Variants in WAPL observed in about 807,000 individuals in gnomAD.
The protein encoded by WAPL is WAPL cohesin release factor.
In WAPL, 5 loss-of-function variants were observed where a neutral mutation model predicts 121.0. That is an observed-to-expected ratio of 0.04 (90% CI 0.02 to 0.09). The LOEUF (loss-of-function observed/expected upper bound fraction) is 0.09. WAPL is among the 10% of genes least tolerant of loss of function. WAPL has a pLI of 1.00. For missense variants in WAPL, 999 were observed against 1,410.8 expected (o/e 0.71, Z 4.68); for synonymous variants, 480 against 481.5 (o/e 1.00, Z 0.04).
At chr10:86,455,803 TAAC>T (rs1338113936) in intron 12 of WAPL, among the ~76,000 whole-genome samples, 1 of 151,612 alleles carries the variant, frequency 6.6e-6, no homozygotes, top group East Asian at 1.9e-4. Context: ...GTAAAATACT[TAAC>T]AGCAGGTGGG....
At chr10:86,511,978 A>ATTT (rs1386591742) in intron 2 of WAPL, among the ~76,000 whole-genome samples, 7 of 152,232 alleles carry the variant, frequency 4.6e-5, no homozygotes, top group Non-Finnish European at 1.0e-4. Flanking sequence ...TCTCTTAAAA[A>ATTT]GAAGCTGATT....
At position 86,453,316 on chromosome 10, in the gene WAPL, T is replaced by G; in HGVS notation, c.2853A>C (p.Thr951=). ...TGCCTATGAGACCGTCCTGCTCTCCTGTTTTGGTGCTGCCCCACTCTGAAA... is the reference window on the plus strand; with the variant it reads ...TGCCTATGAGACCGTCCTGCTCTCCGGTTTTGGTGCTGCCCCACTCTGAAA... The part of the protein sequence containing the change: ...TNDNEWGSTK[T]GEQDGLIGTA... Residue 951 remains threonine, a synonymous_variant, in exon 14 of 19, where the codon ACA becomes ACC. Transcript: ENST00000298767. 6.2e-7 allele frequency: 1 copy of G among 1,614,134 alleles called. No homozygotes were observed. Among genetic ancestry groups the G allele is most frequent in the South Asian group, 1.1e-5 (1 of 91,088 alleles).
intron 4 of WAPL, among the ~76,000 whole-genome samples, chr10:86,488,769 G>C (rs1185469491): frequency 6.6e-6 from 1 of 152,190 alleles, no homozygotes; most frequent in Non-Finnish European, 1.5e-5. Context: ...AACCTACATG[G>C]AGGGGAAGAA....
chr10:86,440,537 G>A (rs1478416123), intron 17 of WAPL, among the ~76,000 whole-genome samples: 1 of 151,974 alleles, frequency 6.6e-6, no homozygotes, highest in Non-Finnish European at 1.5e-5. Flanking sequence ...CTGACCTTGT[G>A]ATCTGCCCAC....
At chr10:86,490,681 T>A (rs1842027658) in intron 4 of WAPL, among the ~76,000 whole-genome samples, 1 of 152,164 alleles carries the variant, frequency 6.6e-6, no homozygotes, top group Non-Finnish European at 1.5e-5. Flanking sequence ...TAAAATTCAC[T>A]CATATTTATT....
At chr10:86,495,179 G>A (rs759707273) in intron 4 of WAPL, among the ~76,000 whole-genome samples, 8 of 152,066 alleles carry the variant, frequency 5.3e-5, no homozygotes, top group East Asian at 1.9e-4. Flanking sequence ...CAAAAAAGGC[G>A]AAGTCAAATT....
At chr10:86,447,653 T>A (rs1012071818) in intron 15 of WAPL, among the ~76,000 whole-genome samples, 10 of 151,818 alleles carry the variant, frequency 6.6e-5, no homozygotes, top group Admixed American at 5.9e-4. Flanking sequence ...ATGTGTTTGG[T>A]GATGAGGGTG....
Position 86,488,981 on chromosome 10 carries a change from T to C in WAPL, c.1644+8220A>G, listed in dbSNP as rs1053629510. 2.0e-5 allele frequency among the ~76,000 whole-genome samples: 3 copies of C among 152,346 alleles called. 1 individual carries two copies. The South Asian group carries it at 6.2e-4, about 32-fold the overall frequency. The stretch of plus-strand genomic sequence containing the variant: ...CCAAGTGATCAGTTAACATCAGTAG[T>C]AATGGTACAAGCTGACATTAAGTAC... On this transcript the variant is annotated intron_variant, in intron 4 of 18. Coordinates refer to ENST00000298767, the MANE Select transcript of WAPL (RefSeq NM_015045.5).
At chr10:86,466,287 T>C (rs1253673614) in intron 9 of WAPL, among the ~76,000 whole-genome samples, 1 of 152,154 alleles carries the variant, frequency 6.6e-6, no homozygotes, top group East Asian at 1.9e-4. Context: ...GAAAAGGCAG[T>C]TATGGCGGGG....
At chr10:86,442,570 C>T (rs1849496560) in intron 17 of WAPL, among the ~76,000 whole-genome samples, 1 of 152,072 alleles carries the variant, frequency 6.6e-6, no homozygotes, top group Non-Finnish European at 1.5e-5. Flanking sequence ...CCATAAAGAT[C>T]AACTTTATTT....
At chr10:86,517,171 CAG>C (rs768439313) in intron 2 of WAPL, among the ~76,000 whole-genome samples, 12 of 152,300 alleles carry the variant, frequency 7.9e-5, no homozygotes, top group African/African-American at 2.4e-4. Flanking sequence ...CTAGTTTTGG[CAG>C]AGAGTCTACC....
intron 12 of WAPL, among the ~76,000 whole-genome samples, chr10:86,458,328 G>A (rs1309482342): frequency 2.0e-5 from 3 of 152,192 alleles, no homozygotes; most frequent in African/African-American, 7.2e-5. Flanking sequence ...ACATACTTGG[G>A]AATTTTACCT....
chr10:86,465,352 C>G (rs1379137533), intron 9 of WAPL, among the ~76,000 whole-genome samples: 3 of 152,124 alleles, frequency 2.0e-5, no homozygotes, highest in Non-Finnish European at 4.4e-5. Context: ...AATACAGGCA[C>G]CCACCACCAC....
intron 15 of WAPL, 133 bp from the exon 16 acceptor site, chr10:86,446,582 T>C (rs1264411542): frequency 3.9e-6 from 4 of 1,023,132 alleles, no homozygotes; most frequent in Non-Finnish European, 5.5e-6. Context: ...AAGAGGTGAG[T>C]ATAAGTAAAA....
At chr10:86,496,533 A>G (rs1221715211) in intron 4 of WAPL, among the ~76,000 whole-genome samples, 2 of 152,200 alleles carry the variant, frequency 1.3e-5, no homozygotes, top group East Asian at 3.8e-4. Context: ...AAAGGTAAAA[A>G]CAATCCAAGT....
chr10:86,447,646 T>C (rs1264925423), intron 15 of WAPL, among the ~76,000 whole-genome samples: 2 of 151,826 alleles, frequency 1.3e-5, no homozygotes, highest in African/African-American at 4.8e-5. Flanking sequence ...AGGAAGTATG[T>C]GTTTGGTGAT....
rs544464941 is a variant in WAPL, at chr10:86,481,470, T to G, written c.1645-7497A>C. ...CTCACTGCAACCTCCGCCTCCCAGA[T>G]TCATGCGATTCTCCTGCCTCAGCCT... On this transcript the variant is annotated intron_variant, in intron 4 of 18. Transcript: ENST00000298767. Among the ~76,000 whole-genome samples, 5 of 152,260 alleles carry G rather than the reference T, an allele frequency of 3.3e-5. No individual in the cohort carries two copies. The South Asian group carries it at 1.0e-3, about 32-fold the overall frequency.
chr10:86,493,489 T>G (rs1008385907), intron 4 of WAPL, among the ~76,000 whole-genome samples: 1 of 152,174 alleles, frequency 6.6e-6, no homozygotes, highest in Admixed American at 6.5e-5. Context: ...GTACTCATCT[T>G]ACTGCTCTTT....
intron 16 of WAPL, among the ~76,000 whole-genome samples, chr10:86,445,210 A>C (rs959258532): frequency 6.6e-6 from 1 of 152,230 alleles, no homozygotes; most frequent in Non-Finnish European, 1.5e-5. Context: ...CCTCTGGCAT[A>C]CTGTAAATCA....
Sources: allele counts gnomAD v4.1 joint callset (sites outside exome capture counted in the v4.1 genomes callset), GRCh38; gene constraint gnomAD v4.1.1; transcripts MANE v1.5; gene names NCBI Gene and HGNC (gene_info 2026-07-23, HGNC 2026-07-21).